The following PDZD8 variants were observed in gnomAD, a reference collection of about 807,000 sequenced individuals.
PDZD8 encodes PDZ domain-containing protein 8.
A neutral mutation model predicts 85.8 loss-of-function variants in PDZD8; 14 were observed. That is an observed-to-expected ratio of 0.16 (90% CI 0.11 to 0.26). The LOEUF is 0.26. Ranked by LOEUF, PDZD8 falls within the 10% of genes least tolerant of loss-of-function variation. The probability of loss-of-function intolerance (pLI) is 1.00; values close to 1 mark genes in which losing one functional copy is unlikely to be tolerated. For synonymous variants in PDZD8, 592 were observed against 568.6 expected (o/e 1.04, Z -0.59); for missense variants, 1,197 against 1,424.3 (o/e 0.84, Z 2.57).
chr10:117,329,155 A>C (rs1162424214), intron 2 of PDZD8, among the ~76,000 whole-genome samples: 1 of 152,240 alleles, frequency 6.6e-6, no homozygotes, highest in Non-Finnish European at 1.5e-5. Flanking sequence ...CTGGCTAATA[A>C]ATATTTTGCA....
At chr10:117,314,008 C>T (rs376875040) in intron 3 of PDZD8, among the ~76,000 whole-genome samples, 11 of 152,160 alleles carry the variant, frequency 7.2e-5, no homozygotes, top group African/African-American at 2.7e-4. Context: ...GAATACCATT[C>T]ACAGTCCAGT....
chr10:117,365,799 C>T (rs1252287586), intron 1 of PDZD8, among the ~76,000 whole-genome samples: 1 of 152,004 alleles, frequency 6.6e-6, no homozygotes, highest in Non-Finnish European at 1.5e-5. Flanking sequence ...TGCTCTGATG[C>T]CATGCCAAAA....
intron 4 of PDZD8, among the ~76,000 whole-genome samples, chr10:117,287,320 T>A (rs1716544718): frequency 6.6e-6 from 1 of 152,182 alleles, no homozygotes; most frequent in African/African-American, 2.4e-5. Flanking sequence ...TATATGCAAC[T>A]GTTACCAAAG....
At chr10:117,308,823 T>C (rs1253592975) in intron 3 of PDZD8, among the ~76,000 whole-genome samples, 1 of 152,152 alleles carries the variant, frequency 6.6e-6, no homozygotes, top group Non-Finnish European at 1.5e-5. Flanking sequence ...GTGCCTATTA[T>C]TATGGTATTG....
chr10:117,349,385 G>C (rs570273513), intron 1 of PDZD8, among the ~76,000 whole-genome samples: 1 of 152,188 alleles, frequency 6.6e-6, no homozygotes. Context: ...CTGGAATATA[G>C]AGAAGGAAAC....
At chr10:117,287,177 A>G (rs1201690493) in intron 4 of PDZD8, among the ~76,000 whole-genome samples, 2 of 152,128 alleles carry the variant, frequency 1.3e-5, no homozygotes, top group African/African-American at 4.8e-5. Context: ...ACTTTGCTCT[A>G]TCAATTATCC....
At chr10:117,359,938 T>C (rs894891832) in intron 1 of PDZD8, among the ~76,000 whole-genome samples, 7 of 152,126 alleles carry the variant, frequency 4.6e-5, no homozygotes, top group Non-Finnish European at 1.0e-4. Flanking sequence ...GAAAAAAAAG[T>C]ATTCCTGAAT....
chr10:117,325,868 C>T (rs1844307813), intron 2 of PDZD8, among the ~76,000 whole-genome samples: 1 of 152,152 alleles, frequency 6.6e-6, no homozygotes, highest in African/African-American at 2.4e-5. Flanking sequence ...ACTGTAATCC[C>T]CATAATCCCT....
intron 3 of PDZD8, among the ~76,000 whole-genome samples, chr10:117,305,035 C>T (rs2490629): frequency 0.055 from 8,382 of 152,126 alleles, 249 homozygotes; most frequent in South Asian, 0.082. Context: ...GTTCTATATC[C>T]GACAAATACC....
At chr10:117,368,516 A>G (rs892142286) in intron 1 of PDZD8, among the ~76,000 whole-genome samples, 1 of 152,238 alleles carries the variant, frequency 6.6e-6, no homozygotes, top group Non-Finnish European at 1.5e-5. Flanking sequence ...ATGAAAAAGT[A>G]AATAAATACA....
intron 1 of PDZD8, among the ~76,000 whole-genome samples, chr10:117,367,644 T>G (rs1186490294): frequency 2.0e-5 from 3 of 152,082 alleles, no homozygotes; most frequent in Admixed American, 2.0e-4. Flanking sequence ...CACTTAGGTG[T>G]GCTAAGAAAG....
At position 117,375,320 on chromosome 10, in the gene PDZD8, C is replaced by CG; in HGVS notation, c.-94dup. ...CCCGCTGCCTCCATTTTGAGGACAT[C>CG]GGGCGGCTGGGTCGGGGCGAGCGGC... On this transcript the variant is annotated 5_prime_UTR_variant, in exon 1 of 5. Coordinates refer to ENST00000334464, the MANE Select transcript of PDZD8 (RefSeq NM_173791.5). The CG allele has an allele frequency of 8.1e-7, 1 of 1,231,526 alleles. No homozygotes were observed. The highest frequency in any genetic ancestry group is 1.8e-5 in the South Asian group (1 of 56,648). The allele number at this position is 1,231,526 out of a possible 1,614,324, so 76.3% of individuals were successfully genotyped here. A position where few individuals can be genotyped will look rare whatever the true frequency, so the allele number is the denominator to read the frequency against.
At chr10:117,362,333 A>G (rs938016993) in intron 1 of PDZD8, among the ~76,000 whole-genome samples, 3 of 152,150 alleles carry the variant, frequency 2.0e-5, no homozygotes, top group Non-Finnish European at 4.4e-5. Context: ...CATTTACATA[A>G]TTCTTTTCTC....
chr10:117,292,660 G>C (rs992695379), intron 3 of PDZD8, among the ~76,000 whole-genome samples: 1 of 151,430 alleles, frequency 6.6e-6, no homozygotes, highest in Non-Finnish European at 1.5e-5. Context: ...ATAGAGGCTA[G>C]TGTAAGGTGT....
chr10:117,300,916 GT>G (rs1843836722), intron 3 of PDZD8, among the ~76,000 whole-genome samples: 1 of 152,282 alleles, frequency 6.6e-6, no homozygotes, highest in African/African-American at 2.4e-5. Context: ...ATTCATTTCT[GT>G]TGCTTACGAG....
At chr10:117,334,179 A>C (rs1844476871) in intron 2 of PDZD8, among the ~76,000 whole-genome samples, 1 of 152,196 alleles carries the variant, frequency 6.6e-6, no homozygotes, top group South Asian at 2.1e-4. Context: ...TTAATATTTC[A>C]ATTATCAAAA....
In PDZD8 at chr10:117,374,673, G is replaced by T. The variant is rs1280669797; in HGVS notation, c.555C>A (p.Ala185=). 1.9e-6 allele frequency: 3 copies of T among 1,589,538 alleles called. No homozygotes were observed. The highest frequency in any genetic ancestry group is 2.6e-6 in the Non-Finnish European group (3 of 1,168,366). The stretch of plus-strand genomic sequence containing the variant: ...CCTCGAAGGCCAGCTCCTCGGGGCA[G>T]GCGGCGGGCAGCGCCTCCCCTTCAG... ...DGPEGEALPA[A]CPEELAFEAE... Residue 185 remains alanine, a synonymous_variant, in exon 1 of 5, where the codon GCC becomes GCA. Coordinates refer to ENST00000334464, the MANE Select transcript of PDZD8 (RefSeq NM_173791.5). This position sits in a 1 kb window ranked among gnomAD's most constrained non-coding sequence, Gnocchi z 7.8.
intron 1 of PDZD8, among the ~76,000 whole-genome samples, chr10:117,358,999 G>A (rs752811511): frequency 5.9e-5 from 9 of 152,140 alleles, no homozygotes; most frequent in Admixed American, 3.3e-4. Context: ...CCCAGTTCAT[G>A]GCTGTTTGTC....
At chr10:117,327,409 G>A (rs879920808) in intron 2 of PDZD8, among the ~76,000 whole-genome samples, 4 of 152,176 alleles carry the variant, frequency 2.6e-5, no homozygotes, top group Non-Finnish European at 4.4e-5. Context: ...TGCCATATAA[G>A]CAAATAGATG....
Sources: allele counts gnomAD v4.1 joint callset (sites outside exome capture counted in the v4.1 genomes callset), GRCh38; gene constraint gnomAD v4.1.1; non-coding constraint Gnocchi (gnomAD v3.1); transcripts MANE v1.5; gene names NCBI Gene and HGNC (gene_info 2026-07-23, HGNC 2026-07-21).